ABCC5: variants seen among roughly 807,000 people sequenced by gnomAD.
ABCC5 encodes ATP-binding cassette sub-family C member 5.
In ABCC5, 61 loss-of-function variants were observed where a neutral mutation model predicts 160.9. That is an observed-to-expected ratio of 0.38 (90% CI 0.31 to 0.47). ABCC5 has a LOEUF of 0.47. Among genes scored for constraint, ABCC5 ranks in the 20% least tolerant of loss-of-function variants. The pLI is 0.99. For missense variants in ABCC5, 1,308 were observed against 1,813.3 expected (o/e 0.72, Z 5.06); for synonymous variants, 666 against 700.6 (o/e 0.95, Z 0.78).
intron 2 of ABCC5, among the ~76,000 whole-genome samples, chr3:184,002,788 A>C (rs4148571): frequency 0.62 from 93,938 of 152,114 alleles, 29,763 homozygotes; most frequent in East Asian, 0.85. Context: ...CCCTTCCTGG[A>C]GGCCGGACAA....
intron 26 of ABCC5, among the ~76,000 whole-genome samples, chr3:183,930,846 T>C (rs1713107458): frequency 6.6e-6 from 1 of 152,186 alleles, no homozygotes; most frequent in Non-Finnish European, 1.5e-5. Context: ...AGTTTGTGGC[T>C]TAAACTGTTT....
intron 25 of ABCC5, chr3:183,942,517 T>A: frequency 1.4e-6 from 1 of 700,330 alleles, no homozygotes; most frequent in Non-Finnish European, 2.6e-6. Flanking sequence ...CCCAGTGTTC[T>A]GCATTGAGAA....
intron 24 of ABCC5, 91 bp from the exon 25 acceptor site, chr3:183,943,007 T>G: frequency 7.3e-7 from 1 of 1,362,492 alleles, no homozygotes; most frequent in Non-Finnish European, 1.0e-6. Flanking sequence ...AGGACAACCA[T>G]AGTAGCCACA....
In ABCC5 at chr3:183,920,278, G is replaced by T. The variant is rs73044694; in HGVS notation, c.*1022C>A. 3.5e-3 allele frequency: 537 copies of T among 152,796 alleles called. 7 individuals carry two copies. The highest frequency in any genetic ancestry group is 0.012 in the African/African-American group (498 of 41,572). The allele number at this position is 152,796 out of a possible 1,614,324, so 9.5% of individuals were successfully genotyped here. ...AGAGACTGTGCGACGACTGCGGTGA[G>T]AAAGGAAAACAGACCCACGAAATCC... On this transcript the variant is annotated 3_prime_UTR_variant, in exon 30 of 30. Coordinates refer to ENST00000334444, the MANE Select transcript of ABCC5 (RefSeq NM_005688.4). The surrounding 1 kb of genome is among the most constrained non-coding windows in gnomAD (Gnocchi z 4.1).
At chr3:184,009,994 A>C (rs1387704603) in intron 2 of ABCC5, 1 of 429,492 alleles carries the variant, frequency 2.3e-6, no homozygotes, top group South Asian at 1.7e-5. Flanking sequence ...AAAAACAAAC[A>C]AAAAAAATTT....
chr3:183,949,183 T>G lies in ABCC5; in HGVS notation c.3227+570A>C, dbSNP rs945434101. 3.3e-5 allele frequency among the ~76,000 whole-genome samples: 5 copies of G among 152,224 alleles called. No individual in the cohort carries two copies. The highest frequency in any genetic ancestry group is 1.2e-4 in the African/African-American group (5 of 41,454). ...TAGTACTCTATGGATATACCATAGC[T>G]TATTCAACCTGTCCTATATTGAAGA... On this transcript the variant is annotated intron_variant, in intron 22 of 29. Transcript: ENST00000334444. This position sits in a 1 kb window ranked among gnomAD's most constrained non-coding sequence, Gnocchi z 4.2.
At chr3:183,961,701 C>G (rs371369581) in intron 15 of ABCC5, 47 bp from the exon 16 acceptor site, 170 of 1,607,496 alleles carry the variant, frequency 1.1e-4, no homozygotes, top group Middle Eastern at 6.6e-4. Context: ...TGTGCAAATA[C>G]ATTCAAAAAC....
At chr3:183,971,119 G>C (rs904406946) in intron 11 of ABCC5, among the ~76,000 whole-genome samples, 2 of 152,080 alleles carry the variant, frequency 1.3e-5, no homozygotes, top group Admixed American at 1.3e-4. Flanking sequence ...TACCGTTAAC[G>C]ATCCTTAACT....
intron 3 of ABCC5, 57 bp downstream of exon 3, chr3:183,989,157 CAAAAAAAAAAAA>C (rs34892836): frequency 1.1e-4 from 60 of 570,246 alleles, no homozygotes; most frequent in East Asian, 2.0e-4. Flanking sequence ...GACTCCATCT[CAAAAAAAAAAAA>C]AAAAAAAAAA....
intron 17 of ABCC5, among the ~76,000 whole-genome samples, chr3:183,954,527 G>C (rs938062246): frequency 6.6e-6 from 1 of 152,188 alleles, no homozygotes; most frequent in African/African-American, 2.4e-5. Flanking sequence ...AACACTGTAG[G>C]TAAGAGATGA....
chr3:183,981,079 G>A (rs555872741), intron 8 of ABCC5, among the ~76,000 whole-genome samples: 15 of 152,182 alleles, frequency 9.9e-5, no homozygotes, highest in Non-Finnish European at 1.9e-4. Flanking sequence ...CTCAGCTCCT[G>A]ATGAGGTTAT....
At position 183,963,296 on chromosome 3, in the gene ABCC5, T is replaced by G; in HGVS notation, c.2235+89A>C. ...AACCTTGATTCCAGGAATTTCTAGT[T>G]ATAACACAAGGATACCTGGAGCAAA... On this transcript the variant is annotated intron_variant, in intron 15 of 29. Transcript: ENST00000334444. This position sits in a 1 kb window ranked among gnomAD's most constrained non-coding sequence, Gnocchi z 4.6. The G allele has an allele frequency of 7.2e-7, 1 of 1,394,124 alleles. No homozygotes were observed. The highest frequency in any genetic ancestry group is 1.0e-6 in the Non-Finnish European group (1 of 985,718). 86.4% of individuals were successfully genotyped at this position (1,394,124 alleles called of 1,614,324 possible). A position where few individuals can be genotyped will look rare whatever the true frequency, so the allele number is the denominator to read the frequency against.
In ABCC5 at chr3:183,957,521, C is replaced by G. The variant is rs879923668; in HGVS notation, c.2482+2212G>C. Reference sequence around the variant, plus strand: ...GTGTGTAAATCACATCGGTTACATGCTTATCTGTGTGTACATCACATCAGT... The same window carrying G: ...GTGTGTAAATCACATCGGTTACATGGTTATCTGTGTGTACATCACATCAGT... On this transcript the variant is annotated intron_variant, in intron 17 of 29. Transcript: ENST00000334444. Among the ~76,000 whole-genome samples, 52 of 149,286 alleles carry G rather than the reference C, an allele frequency of 3.5e-4. 2 individuals carry two copies. The highest frequency in any genetic ancestry group is 4.6e-4 in the Non-Finnish European group (31 of 67,374).
At chr3:183,947,852 A>G (rs1714993187) in intron 22 of ABCC5, among the ~76,000 whole-genome samples, 1 of 152,238 alleles carries the variant, frequency 6.6e-6, no homozygotes. Context: ...AAAATATCTT[A>G]GGTCAGAAGG....
intron 26 of ABCC5, among the ~76,000 whole-genome samples, chr3:183,929,802 G>C (rs1712999192): frequency 6.6e-6 from 1 of 152,050 alleles, no homozygotes; most frequent in Non-Finnish European, 1.5e-5. Flanking sequence ...TGTAGAGATG[G>C]GGTTTTGCCA....
chr3:183,925,069 G>A (rs965123759), intron 29 of ABCC5, among the ~76,000 whole-genome samples: 3 of 152,228 alleles, frequency 2.0e-5, no homozygotes, highest in Non-Finnish European at 4.4e-5. Context: ...TGAAACAACA[G>A]GGTAAGAAGT....
rs1376737513 is a variant in ABCC5 at position 183,921,542 on chromosome 3, C to A, written c.4213-141G>T. 4 of 552,342 alleles carry A rather than the reference C, an allele frequency of 7.2e-6. No individual in the cohort carries two copies. The African/African-American group carries it at 7.9e-5, about 11-fold the overall frequency. The allele number at this position is 552,342 out of a possible 1,614,324, so 34.2% of individuals were successfully genotyped here. On this transcript the variant is annotated intron_variant, in intron 29 of 29. Coordinates refer to ENST00000334444, the MANE Select transcript of ABCC5 (RefSeq NM_005688.4). The surrounding 1 kb of genome is among the most constrained non-coding windows in gnomAD (Gnocchi z 4.1). ...AACTAGCCCTGCGTGCACCTCCCCC[C>A]TTATTTTTTTATTTTCAACTATCCA...
chr3:183,965,292 G>A, intron 13 of ABCC5, 35 bp from the exon 14 acceptor site: 1 of 1,614,172 alleles, frequency 6.2e-7, no homozygotes, highest in Non-Finnish European at 8.5e-7. Flanking sequence ...CAGGGACACG[G>A]CGGGAGCAGA....
rs1718813998 is a variant in ABCC5 at position 183,982,271 on chromosome 3, C to A, written c.999+180G>T. On this transcript the variant is annotated intron_variant, in intron 7 of 29. Coordinates refer to ENST00000334444, the MANE Select transcript of ABCC5 (RefSeq NM_005688.4). The surrounding 1 kb of genome is among the most constrained non-coding windows in gnomAD (Gnocchi z 5.2). ...CTCTTTCATGCAAGTGACACCTTACCTCCTCTCAAGTCAAAATTCTGTCCC... is the reference window on the plus strand; with the variant it reads ...CTCTTTCATGCAAGTGACACCTTACATCCTCTCAAGTCAAAATTCTGTCCC... 6.6e-6 allele frequency among the ~76,000 whole-genome samples: 1 copy of A among 152,146 alleles called. No individual in the cohort carries two copies. The highest frequency in any genetic ancestry group is 1.9e-4 in the East Asian group (1 of 5,184).
Sources: gnomAD v4.1 joint callset for allele counts (sites outside exome capture counted in the v4.1 genomes callset) on GRCh38, gnomAD v4.1.1 for gene constraint, Gnocchi (gnomAD v3.1) non-coding constraint, MANE v1.5 for transcripts, NCBI Gene and HGNC (gene_info 2026-07-23, HGNC 2026-07-21) for gene names.